The following RGL1 variants were observed in gnomAD, a reference collection of about 807,000 sequenced individuals.
The protein encoded by RGL1 is ral guanine nucleotide dissociation stimulator like 1.
In RGL1, 24 loss-of-function variants were observed where a neutral mutation model predicts 95.2. That is an observed-to-expected ratio of 0.25 (90% CI 0.18 to 0.35). The LOEUF is 0.35. Ranked by LOEUF, RGL1 falls within the 10% of genes least tolerant of loss-of-function variation. The probability of loss-of-function intolerance (pLI) is 1.00; values close to 1 mark genes in which losing one functional copy is unlikely to be tolerated. For missense variants in RGL1, 715 were observed against 936.3 expected (o/e 0.76, Z 3.08); for synonymous variants, 329 against 344.9 (o/e 0.95, Z 0.51).
chr1:183,696,859 G>GCC (rs988348271), intron 1 of RGL1, among the ~76,000 whole-genome samples: 3 of 152,092 alleles, frequency 2.0e-5, no homozygotes, highest in African/African-American at 7.2e-5. Flanking sequence ...TCCAGAATCT[G>GCC]ACCAATTCTT....
chr1:183,913,499 A>C (rs74133032), intron 15 of RGL1, among the ~76,000 whole-genome samples: 2,334 of 152,196 alleles, frequency 0.015, 77 homozygotes, highest in African/African-American at 0.054. Context: ...TATCAGTGTT[A>C]ATCTTCTGTA....
intron 1 of RGL1, among the ~76,000 whole-genome samples, chr1:183,684,324 G>A (rs1161641623): frequency 6.6e-6 from 1 of 152,186 alleles, no homozygotes; most frequent in Non-Finnish European, 1.5e-5. Context: ...TTTGGTCTTT[G>A]ATGCTGGTGA....
upstream of RGL1, among the ~76,000 whole-genome samples, chr1:183,801,262 G>A (rs1180717112): frequency 6.6e-6 from 1 of 151,902 alleles, no homozygotes; most frequent in Non-Finnish European, 1.5e-5. Flanking sequence ...GTGATGTTGA[G>A]CACTTTCTCA....
At chr1:183,902,421 CT>C in intron 11 of RGL1, 146 bp from the exon 12 acceptor site, 1 of 540,164 alleles carries the variant, frequency 1.9e-6, no homozygotes, top group Non-Finnish European at 3.1e-6. Flanking sequence ...ACAGGACTCT[CT>C]TCTTCCACAG....
chr1:183,914,010 G>A (rs1389355657), intron 15 of RGL1, among the ~76,000 whole-genome samples: 1 of 152,194 alleles, frequency 6.6e-6, no homozygotes, highest in East Asian at 1.9e-4. Context: ...TTCGTGACTT[G>A]ACATACAAAT....
At chr1:183,841,424 C>T (rs759389342) in intron 2 of RGL1, among the ~76,000 whole-genome samples, 5 of 152,148 alleles carry the variant, frequency 3.3e-5, no homozygotes, top group African/African-American at 7.2e-5. Flanking sequence ...AAAGTGACTT[C>T]CCACCCAATA....
intron 2 of RGL1, among the ~76,000 whole-genome samples, chr1:183,749,729 T>C (rs1056694705): frequency 3.9e-5 from 6 of 152,254 alleles, no homozygotes; most frequent in Non-Finnish European, 1.5e-5. Context: ...TACTGCTTCC[T>C]TCAGGAGCTC....
intron 4 of RGL1, among the ~76,000 whole-genome samples, chr1:183,878,190 ATCTATCTG>A (rs980504691): frequency 1.7e-4 from 25 of 147,940 alleles, no homozygotes; most frequent in Non-Finnish European, 2.9e-4. Context: ...CTATCTATCT[ATCTATCTG>A]TCTATCTTTT....
At chr1:183,809,777 C>G (rs1380725221) in intron 2 of RGL1, among the ~76,000 whole-genome samples, 2 of 152,058 alleles carry the variant, frequency 1.3e-5, no homozygotes, top group African/African-American at 4.8e-5. Flanking sequence ...AAGACCCTGT[C>G]TCTACTAAAA....
At chr1:183,639,955 C>T (rs1471264031) in intron 1 of RGL1, among the ~76,000 whole-genome samples, 4 of 151,984 alleles carry the variant, frequency 2.6e-5, no homozygotes, top group South Asian at 2.1e-4. Flanking sequence ...CATTCTCCTG[C>T]GTCAGCCTCC....
chr1:183,837,546 C>T (rs1176716826), intron 2 of RGL1, among the ~76,000 whole-genome samples: 1 of 151,938 alleles, frequency 6.6e-6, no homozygotes, highest in Non-Finnish European at 1.5e-5. Context: ...AATTCAAACT[C>T]CTCTCCCTCC....
At chr1:183,692,607 T>C (rs914721445) in intron 1 of RGL1, among the ~76,000 whole-genome samples, 8 of 152,188 alleles carry the variant, frequency 5.3e-5, no homozygotes, top group Non-Finnish European at 1.0e-4. Context: ...TAACATAAAT[T>C]TACTTTTATT....
intron 2 of RGL1, among the ~76,000 whole-genome samples, chr1:183,751,569 C>T (rs934852570): frequency 3.3e-5 from 5 of 152,056 alleles, no homozygotes; most frequent in African/African-American, 4.8e-5. Flanking sequence ...GGTTCTGTCT[C>T]GCTGGGGTTC....
chr1:183,912,321 T>C (rs1668695802), intron 15 of RGL1, 53 bp downstream of exon 15: 1 of 1,441,524 alleles, frequency 6.9e-7, no homozygotes, highest in Non-Finnish European at 9.6e-7. Flanking sequence ...ACATGCTCTT[T>C]GCCACACCAC....
intron 1 of RGL1, among the ~76,000 whole-genome samples, chr1:183,686,155 A>G (rs1322509881): frequency 6.6e-6 from 1 of 152,178 alleles, no homozygotes; most frequent in African/African-American, 2.4e-5. Context: ...CATTATTTTC[A>G]GAAGTCATTC....
At chr1:183,667,915 G>A (rs1021536990) in intron 1 of RGL1, among the ~76,000 whole-genome samples, 1 of 151,228 alleles carries the variant, frequency 6.6e-6, no homozygotes, top group Admixed American at 6.6e-5. Context: ...GCTTCAGGTA[G>A]TACAAGTACT....
intron 1 of RGL1, among the ~76,000 whole-genome samples, chr1:183,677,877 G>T (rs1461190308): frequency 2.6e-5 from 4 of 152,158 alleles, no homozygotes; most frequent in African/African-American, 9.7e-5. Flanking sequence ...GTGTGGTGAG[G>T]ATACCTGGAG....
intron 1 of RGL1, among the ~76,000 whole-genome samples, chr1:183,687,020 C>T (rs780746769): frequency 9.9e-5 from 15 of 152,212 alleles, no homozygotes; most frequent in Non-Finnish European, 1.8e-4. Context: ...ATCAATCCAT[C>T]AGCACATGCT....
intron 1 of RGL1, among the ~76,000 whole-genome samples, chr1:183,701,681 G>A (rs1486824327): frequency 1.3e-5 from 2 of 152,076 alleles, no homozygotes; most frequent in African/African-American, 4.8e-5. Flanking sequence ...GCTCATGCCT[G>A]TAATCCCAGC....
Sources: allele counts gnomAD v4.1 joint callset (sites outside exome capture counted in the v4.1 genomes callset), GRCh38; gene constraint gnomAD v4.1.1; transcripts MANE v1.5; gene names NCBI Gene and HGNC (gene_info 2026-07-23, HGNC 2026-07-21).